Variants in CDC42BPA observed in about 807,000 individuals in gnomAD.
The protein encoded by CDC42BPA is CDC42 binding protein kinase alpha.
In CDC42BPA, 80 loss-of-function variants were observed where a neutral mutation model predicts 223.5. The observed-to-expected ratio is 0.36, with a 90% CI of 0.30 to 0.43. The LOEUF (loss-of-function observed/expected upper bound fraction) is 0.43, where lower values mean the gene tolerates loss of function less well. Ranked by LOEUF, CDC42BPA falls within the 20% of genes least tolerant of loss-of-function variation. CDC42BPA has a pLI of 1.00. For missense variants in CDC42BPA, 1,743 were observed against 2,099.9 expected, an observed-to-expected ratio of 0.83 and a Z score of 3.32; for synonymous variants, 694 against 718.6, an observed-to-expected ratio of 0.97 and a Z score of 0.55.
intron 2 of CDC42BPA, chr1:227,219,144 A>C (rs1374709110): frequency 6.6e-6 from 1 of 152,246 alleles, no homozygotes. Flanking sequence ...AGATCTTTTA[A>C]AGAAGAATGA....
intron 1 of CDC42BPA, among the ~76,000 whole-genome samples, chr1:227,312,129 A>G (rs185811527): frequency 1.3e-5 from 2 of 152,218 alleles, no homozygotes; most frequent in Non-Finnish European, 2.9e-5. Context: ...TATTTGATGT[A>G]CTTTATATTT....
At chr1:227,138,271 T>C (rs7413768) in intron 10 of CDC42BPA, among the ~76,000 whole-genome samples, 13,821 of 151,996 alleles carry the variant, frequency 0.091, 846 homozygotes, top group Middle Eastern at 0.16. Context: ...AAGTAAAATA[T>C]GTTACATCCT....
At chr1:227,143,108 A>C in intron 8 of CDC42BPA, 84 bp from the exon 9 acceptor site, 1 of 786,296 alleles carries the variant, frequency 1.3e-6, no homozygotes, top group Non-Finnish European at 1.8e-6. Context: ...GCCAAAAAGA[A>C]ATATTTAAAA....
intron 22 of CDC42BPA, among the ~76,000 whole-genome samples, chr1:227,050,823 A>G (rs953728780): frequency 2.9e-4 from 44 of 152,206 alleles, no homozygotes; most frequent in African/African-American, 1.0e-3. Context: ...ATGTCTGGGA[A>G]AGAAGAGTGG....
Position 227,317,394 on chromosome 1 carries a change from G to T in CDC42BPA, c.-212C>A, listed in dbSNP as rs1344143689. On this transcript the variant is annotated 5_prime_UTR_variant, in exon 1 of 37. Coordinates refer to ENST00000366766, the MANE Select transcript of CDC42BPA (RefSeq NM_001394014.1). ...AATTTCACCCATATACATATATTTT[G>T]AGGGTAAATTACCATAAAATATATA... 3 of 456,392 alleles carry T rather than the reference G, an allele frequency of 6.6e-6. No homozygotes were observed. The highest frequency in any genetic ancestry group is 1.1e-5 in the Non-Finnish European group (3 of 263,596). The allele number at this position is 456,392 out of a possible 1,614,324, so 28.3% of individuals were successfully genotyped here. A position where few individuals can be genotyped will look rare whatever the true frequency, so the allele number is the denominator to read the frequency against.
At chr1:227,071,236 G>A (rs1375020969) in intron 20 of CDC42BPA, among the ~76,000 whole-genome samples, 8 of 151,846 alleles carry the variant, frequency 5.3e-5, no homozygotes, top group African/African-American at 9.7e-5. Flanking sequence ...TGCAGATGCA[G>A]AGACTCCACC....
At chr1:227,194,225 A>C (rs1670285473) in intron 4 of CDC42BPA, among the ~76,000 whole-genome samples, 1 of 152,208 alleles carries the variant, frequency 6.6e-6, no homozygotes, top group Admixed American at 6.5e-5. Flanking sequence ...TTCACCTACA[A>C]CAATGGAACA....
chr1:227,025,215 G>A (rs549435019), intron 31 of CDC42BPA, among the ~76,000 whole-genome samples: 8 of 152,208 alleles, frequency 5.3e-5, no homozygotes, highest in Non-Finnish European at 8.8e-5. Flanking sequence ...TGCACTCCAG[G>A]TTGGATGACA....
At chr1:227,166,982 A>C (rs1449440371) in intron 5 of CDC42BPA, among the ~76,000 whole-genome samples, 2 of 152,190 alleles carry the variant, frequency 1.3e-5, no homozygotes, top group Non-Finnish European at 2.9e-5. Flanking sequence ...AGTACCCACA[A>C]ACCCAAAAGG....
At position 227,268,643 on chromosome 1, in the gene CDC42BPA, AGTGT is replaced by A. The variant is rs139047760; in HGVS notation, c.179-14492_179-14489del. On this transcript the variant is annotated intron_variant, in intron 1 of 36. Coordinates refer to ENST00000366766, the MANE Select transcript of CDC42BPA (RefSeq NM_001394014.1). ...ATATATATAGTATGTGTATATATATAGTGTGTGTGTATATATATATATACATATA... is the reference window on the plus strand; with the variant it reads ...ATATATATAGTATGTGTATATATATAGTGTGTATATATATATATACATATA... 8.3e-5 allele frequency among the ~76,000 whole-genome samples: 12 copies of A among 143,972 alleles called. 1 individual carries two copies. The highest frequency in any genetic ancestry group is 1.3e-4 in the Non-Finnish European group (9 of 67,082). The allele number at this position is 143,972 out of a possible 152,430, so 94.5% of individuals were successfully genotyped here. A position where few individuals can be genotyped will look rare whatever the true frequency, so the allele number is the denominator to read the frequency against.
chr1:227,161,393 A>AG (rs1663862361), intron 5 of CDC42BPA, among the ~76,000 whole-genome samples: 1 of 152,184 alleles, frequency 6.6e-6, no homozygotes, highest in Admixed American at 6.5e-5. Context: ...ATACCCACCC[A>AG]ACTCACTCTA....
At chr1:227,109,270 G>T (rs1181198782) in intron 14 of CDC42BPA, among the ~76,000 whole-genome samples, 2 of 151,974 alleles carry the variant, frequency 1.3e-5, no homozygotes, top group South Asian at 4.2e-4. Flanking sequence ...AAAAAACTTG[G>T]CTTACTATAC....
intron 18 of CDC42BPA, 21 bp downstream of exon 18, chr1:227,074,238 T>A (rs1273492750): frequency 6.5e-7 from 1 of 1,548,414 alleles, no homozygotes; most frequent in Non-Finnish European, 8.9e-7. Context: ...TAAGCCTCCA[T>A]GCAAAATCAT....
rs1666684862 is a variant in CDC42BPA at position 227,174,811 on chromosome 1, T to C, written c.600-14175A>G. Among the ~76,000 whole-genome samples, 3 of 152,174 alleles carry C rather than the reference T, an allele frequency of 2.0e-5. No homozygotes were observed. The South Asian group carries it at 6.2e-4, about 32-fold the overall frequency. Reference sequence around the variant, plus strand: ...CTAAGAATCTATTCAATCCAGTATTTAAGATTTAAAACAAAGATAGGAAAG... The same window carrying C: ...CTAAGAATCTATTCAATCCAGTATTCAAGATTTAAAACAAAGATAGGAAAG... On this transcript the variant is annotated intron_variant, in intron 5 of 36. Transcript: ENST00000366766.
intron 27 of CDC42BPA, among the ~76,000 whole-genome samples, chr1:227,033,004 CAT>C (rs1669586470): frequency 6.6e-6 from 1 of 152,130 alleles, no homozygotes; most frequent in Non-Finnish European, 1.5e-5. Flanking sequence ...TCAAGACAGA[CAT>C]TTTTATTTTT....
At chr1:227,286,553 T>C (rs1276026173) in intron 1 of CDC42BPA, among the ~76,000 whole-genome samples, 1 of 152,212 alleles carries the variant, frequency 6.6e-6, no homozygotes, top group Non-Finnish European at 1.5e-5. Flanking sequence ...CCTATCATCT[T>C]CTTAGCCCTC....
In CDC42BPA at chr1:227,080,967, T is replaced by C; in HGVS notation, c.2406A>G (p.Glu802=). The C allele has an allele frequency of 6.2e-7, 1 of 1,613,544 alleles. No homozygotes were observed. Among genetic ancestry groups the C allele is most frequent in the South Asian group, 1.1e-5 (1 of 91,062 alleles). Residue 802 remains glutamate (E), a synonymous_variant, in exon 17 of 37, where the codon GAA becomes GAG. Coordinates refer to ENST00000366766, the MANE Select transcript of CDC42BPA (RefSeq NM_001394014.1). ...NLSIHNQQLE[E]EVKDLADKKE... ...TCTTGTCTGCTAGATCTTTAACCTC[T>C]TCTTCTAACTGCTGGTTGTGTATAC... is the stretch of plus-strand genomic sequence containing the variant.
chr1:227,172,099 T>C (rs939980538), intron 5 of CDC42BPA, among the ~76,000 whole-genome samples: 1 of 152,182 alleles, frequency 6.6e-6, no homozygotes. Flanking sequence ...CTTTTTGAAA[T>C]TGTCTCTTAA....
intron 1 of CDC42BPA, among the ~76,000 whole-genome samples, chr1:227,268,563 G>GTA (rs145083700): frequency 0.022 from 3,132 of 145,378 alleles, 122 homozygotes; most frequent in African/African-American, 0.074. Flanking sequence ...ACTTTTTTCT[G>GTA]TATATATATA....
Sources: allele counts gnomAD v4.1 joint callset (sites outside exome capture counted in the v4.1 genomes callset), GRCh38; gene constraint gnomAD v4.1.1; transcripts MANE v1.5; gene names NCBI Gene and HGNC (gene_info 2026-07-23, HGNC 2026-07-21).